The following MAJIN variants were observed in gnomAD, a reference collection of about 807,000 sequenced individuals.
MAJIN encodes membrane-anchored junction protein.
In MAJIN, 27 loss-of-function variants were observed where a neutral mutation model predicts 30.2. That is an observed-to-expected ratio of 0.89 (90% CI 0.66 to 1.23). MAJIN has a LOEUF of 1.23. Among genes scored for constraint, MAJIN ranks in the 50% most tolerant of loss-of-function variants. The pLI, the probability that MAJIN is intolerant of heterozygous loss-of-function variation, is 0.00. For synonymous variants in MAJIN, 78 were observed against 91.6 expected (o/e 0.85, Z 0.85); for missense variants, 253 against 260.3 (o/e 0.97, Z 0.19).
At chr11:64,968,070 T>A (rs925278666) in intron 1 of MAJIN, among the ~76,000 whole-genome samples, 3 of 151,886 alleles carry the variant, frequency 2.0e-5, no homozygotes, top group Non-Finnish European at 2.9e-5. Flanking sequence ...ATGTCTGTGA[T>A]GAGTTTAATG....
chr11:64,940,685 T>A, intron 8 of MAJIN, 39 bp from the exon 9 acceptor site: 1 of 1,565,692 alleles, frequency 6.4e-7, no homozygotes, highest in Non-Finnish European at 8.8e-7. Context: ...TAAACTTTCC[T>A]CCTACACTGC....
chr11:64,951,851 T>A (rs1945556911), intron 4 of MAJIN, among the ~76,000 whole-genome samples: 1 of 151,466 alleles, frequency 6.6e-6, no homozygotes, highest in Non-Finnish European at 1.5e-5. Context: ...ATAATTATAC[T>A]GGCTAATATT....
At chr11:64,950,578 TTTTC>T (rs138174447) in intron 4 of MAJIN, 148 bp from the exon 5 acceptor site, 293,840 of 598,158 alleles carry the variant, frequency 0.49, 84,307 homozygotes, top group Non-Finnish European at 0.59. Flanking sequence ...CTCCATTTCT[TTTTC>T]TTTCTTTCTT....
intron 1 of MAJIN, among the ~76,000 whole-genome samples, chr11:64,966,167 C>CAAAAAA (rs1945806709): frequency 2.1e-4 from 8 of 37,330 alleles, no homozygotes; most frequent in Non-Finnish European, 7.0e-4. Flanking sequence ...AAAAAAAAAG[C>CAAAAAA]AGCAGCAGCA....
At chr11:64,952,697 A>G (rs1333697613) in intron 4 of MAJIN, among the ~76,000 whole-genome samples, 1 of 151,892 alleles carries the variant, frequency 6.6e-6, no homozygotes, top group African/African-American at 2.4e-5. Context: ...CCTGCTTCTC[A>G]GTAAATGTTT....
chr11:64,941,245 A>C (rs911924499), intron 8 of MAJIN, among the ~76,000 whole-genome samples: 6 of 152,214 alleles, frequency 3.9e-5, no homozygotes, highest in African/African-American at 1.4e-4. Context: ...ATCCCATGTT[A>C]CTGAGTACCT....
At chr11:64,967,224 G>A (rs935160501) in intron 1 of MAJIN, among the ~76,000 whole-genome samples, 3 of 151,912 alleles carry the variant, frequency 2.0e-5, no homozygotes, top group African/African-American at 4.8e-5. Flanking sequence ...CCTGGCCAAC[G>A]TGGTGAAAGC....
chr11:64,961,172 GTT>G (rs533022844), intron 1 of MAJIN, among the ~76,000 whole-genome samples: 5 of 143,410 alleles, frequency 3.5e-5, no homozygotes, highest in Non-Finnish European at 3.1e-5. Context: ...TGTTTTTGTG[GTT>G]TTTTTTTTTT....
chr11:64,969,851 T>C (rs1472168949), intron 1 of MAJIN, among the ~76,000 whole-genome samples: 3 of 152,104 alleles, frequency 2.0e-5, no homozygotes, highest in Non-Finnish European at 2.9e-5. Flanking sequence ...GAGCGATGAC[T>C]CCTGGTTGCT....
intron 8 of MAJIN, chr11:64,946,014 G>A: frequency 7.3e-7 from 1 of 1,374,600 alleles, no homozygotes; most frequent in African/African-American, 1.5e-5. Flanking sequence ...CCGGAATCCT[G>A]ACTTGTAACA....
intron 5 of MAJIN, 30 bp from the exon 6 acceptor site, chr11:64,949,898 G>T (rs745978635): frequency 3.8e-6 from 6 of 1,598,374 alleles, no homozygotes; most frequent in Non-Finnish European, 5.1e-6. Flanking sequence ...AGTAAGGAAA[G>T]ATGCCAGTAT....
intron 9 of MAJIN, 52 bp downstream of exon 9, chr11:64,940,522 A>G: frequency 6.4e-7 from 1 of 1,558,092 alleles, no homozygotes; most frequent in Non-Finnish European, 8.9e-7. Flanking sequence ...GAGAACTACA[A>G]GGGAAAGGGT....
chr11:64,945,244 G>C (rs1451302165), intron 8 of MAJIN, among the ~76,000 whole-genome samples: 2 of 152,064 alleles, frequency 1.3e-5, no homozygotes, highest in African/African-American at 4.8e-5. Flanking sequence ...TGTAGTCCCA[G>C]CTACTCGGGA....
chr11:64,948,624 TATATATATATATATA>T (rs1270569988), intron 6 of MAJIN, among the ~76,000 whole-genome samples: 1 of 49,114 alleles, frequency 2.0e-5, no homozygotes, highest in Admixed American at 3.1e-4. Flanking sequence ...TATATATATA[TATATATATATATATA>T]TTTTTTTTTT....
At chr11:64,970,600 T>C (rs113821847) in intron 1 of MAJIN, among the ~76,000 whole-genome samples, 6,919 of 150,986 alleles carry the variant, frequency 0.046, 181 homozygotes, top group Middle Eastern at 0.065. Context: ...CTCCTGACCT[T>C]GTGATCCACC....
At chr11:64,952,875 T>C (rs755110089) in intron 4 of MAJIN, among the ~76,000 whole-genome samples, 5 of 151,950 alleles carry the variant, frequency 3.3e-5, no homozygotes, top group Non-Finnish European at 7.4e-5. Flanking sequence ...CAGCTAATTT[T>C]TGTATTTTTA....
At chr11:64,953,336 T>C (rs535163079) in intron 4 of MAJIN, among the ~76,000 whole-genome samples, 2 of 152,286 alleles carry the variant, frequency 1.3e-5, no homozygotes, top group South Asian at 2.1e-4. Flanking sequence ...ATATTAGCTA[T>C]TATAATTAGA....
In MAJIN at chr11:64,966,145, G is replaced by GAAAAAAAAAAAAAAAAAAAAAAAAAAA. The variant is rs58387921; in HGVS notation, c.-65+5731_-65+5732insTTTTTTTTTTTTTTTTTTTTTTTTTTT. Among the ~76,000 whole-genome samples the GAAAAAAAAAAAAAAAAAAAAAAAAAAA allele has an allele frequency of 1.1e-4, 6 of 57,096 alleles. 1 individual carries two copies. Among genetic ancestry groups the GAAAAAAAAAAAAAAAAAAAAAAAAAAA allele is most frequent in the South Asian group, 8.7e-4 (1 of 1,146 alleles). 37.5% of individuals were successfully genotyped at this position (57,096 alleles called of 152,430 possible). ...ACATGTAAGGAAGAAGATTAAAAAT[G>GAAAAAAAAAAAAAAAAAAAAAAAAAAA]AAAAAAAAAAAAAAAAAAAAGCAGC... On this transcript the variant is annotated intron_variant, in intron 1 of 10. Coordinates refer to ENST00000301896, the MANE Select transcript of MAJIN (RefSeq NM_001037225.3).
Position 64,956,410 on chromosome 11 carries a change from A to T in MAJIN, c.102-1608T>A, listed in dbSNP as rs927258535. ...AGGTTGCAGTAGGAGAATCACTTCA[A>T]CCCGGGAGGTGGAGGTTGCAGTGAG... On this transcript the variant is annotated intron_variant, in intron 3 of 10. Coordinates refer to ENST00000301896, the MANE Select transcript of MAJIN (RefSeq NM_001037225.3). 2.6e-5 allele frequency among the ~76,000 whole-genome samples: 4 copies of T among 152,180 alleles called. No individual in the cohort carries two copies. In the East Asian group the frequency reaches 7.7e-4, roughly 29 times the overall value.
Sources: gnomAD v4.1 joint callset for allele counts (sites outside exome capture counted in the v4.1 genomes callset) on GRCh38, gnomAD v4.1.1 for gene constraint, MANE v1.5 for transcripts, NCBI Gene and HGNC (gene_info 2026-07-23, HGNC 2026-07-21) for gene names.